The following IDO1 variants were observed in gnomAD, a reference collection of about 807,000 sequenced individuals.
The protein encoded by IDO1 is indoleamine 2,3-dioxygenase 1.
In IDO1, 35 loss-of-function variants were observed where a neutral mutation model predicts 38.8. The ratio of observed to expected loss-of-function variants is 0.90; its 90% CI spans 0.69 to 1.20. IDO1 has a LOEUF of 1.20. Ranked by LOEUF, IDO1 falls within the 50% of genes most tolerant of loss-of-function variation. The probability of loss-of-function intolerance (pLI) is 0.00; values close to 1 mark genes in which losing one functional copy is unlikely to be tolerated. For missense variants in IDO1, 509 were observed against 485.1 expected (o/e 1.05, Z -0.46); for synonymous variants, 171 against 170.0 (o/e 1.01, Z -0.05).
At position 39,918,142 on chromosome 8, in the gene IDO1, C is replaced by G. The variant is rs767234834; in HGVS notation, c.238C>G (p.Arg80Gly). 1.2e-6 allele frequency: 2 copies of G among 1,613,774 alleles called. No homozygotes were observed. Among genetic ancestry groups the G allele is most frequent in the Non-Finnish European group, 1.7e-6 (2 of 1,179,846 alleles). The change falls in exon 3 of 10, where the codon CGT (arginine) becomes GGT (glycine). Residue 80 changes from arginine (R) to glycine (G), a missense_variant. Coordinates refer to ENST00000518237, the MANE Select transcript of IDO1 (RefSeq NM_002164.6). ...AGACCACAAGTCACAGCGCCTTGCA[C>G]GTCTAGTTCTGGGATGCATCACCAT... ...LTDHKSQRLA[R>G]LVLGCITMAY...
At chr8:39,922,884 T>C in intron 6 of IDO1, 1 of 517,922 alleles carries the variant, frequency 1.9e-6, no homozygotes, top group Non-Finnish European at 3.4e-6. Flanking sequence ...AGATAAAAAT[T>C]TTCAATAAAA....
intron 1 of IDO1, among the ~76,000 whole-genome samples, chr8:39,916,925 G>A (rs1807182452): frequency 2.0e-5 from 3 of 152,078 alleles, no homozygotes; most frequent in South Asian, 4.1e-4. Flanking sequence ...TGTACTAGAT[G>A]GTGAAACATA....
intron 7 of IDO1, among the ~76,000 whole-genome samples, chr8:39,924,260 G>A (rs944647057): frequency 6.6e-6 from 1 of 152,098 alleles, no homozygotes; most frequent in African/African-American, 2.4e-5. Context: ...CCAGCTACTT[G>A]GGAGGCTGAG....
rs1258675111 is a variant in IDO1 at position 39,923,577 on chromosome 8, C to G, written c.646C>G (p.Gln216Glu). Residue 216 changes from glutamine to glutamate, a missense_variant, in exon 7 of 10, where the codon CAA becomes GAA. By Grantham distance (29) the Gln-to-Glu change is conservative. Transcript: ENST00000518237. ...GGAGAAAGCCCTTCAAGTGTTTCACCAAATCCACGGCAAGTGTTGTGTGCA... is the reference window on the plus strand; with the variant it reads ...GGAGAAAGCCCTTCAAGTGTTTCACGAAATCCACGGCAAGTGTTGTGTGCA... ...CLEKALQVFH[Q>E]IHDHVNPKAF... 3 of 1,597,574 alleles carry G rather than the reference C, an allele frequency of 1.9e-6. No individual in the cohort carries two copies. Among genetic ancestry groups the G allele is most frequent in the Non-Finnish European group, 2.6e-6 (3 of 1,165,254 alleles).
In IDO1 at chr8:39,922,603, C is replaced by T; in HGVS notation, c.489C>T (p.Phe163=). Residue 163 remains phenylalanine, a synonymous_variant, in exon 6 of 10, where the codon TTC becomes TTT. Transcript: ENST00000518237. ...SFRDGDCSKG[F]FLVSLLVEIA... ...GTGATGGAGACTGCAGTAAAGGATT[C>T]TTCCTGGTCTCTCTATTGGTGGAAA... 17 of 1,613,570 alleles carry T rather than the reference C, an allele frequency of 1.1e-5. No homozygotes were observed. Among genetic ancestry groups the T allele is most frequent in the Non-Finnish European group, 1.4e-5 (16 of 1,179,614 alleles).
rs1345242744 is a variant in IDO1, at chr8:39,927,816, T to A, written c.857-14T>A. ...CTGTGACCTCCGTATTTCCTCTTTCTCTTTTTCCTATAGGACATGCTGCTC... is the reference window on the plus strand; with the variant it reads ...CTGTGACCTCCGTATTTCCTCTTTCACTTTTTCCTATAGGACATGCTGCTC... On this transcript the variant is annotated splice_polypyrimidine_tract_variant and intron_variant, in intron 9 of 9. Coordinates refer to ENST00000518237, the MANE Select transcript of IDO1 (RefSeq NM_002164.6). 8 of 1,476,952 alleles carry A rather than the reference T, an allele frequency of 5.4e-6. No homozygotes were observed. Among genetic ancestry groups the A allele is most frequent in the Non-Finnish European group, 7.2e-6 (8 of 1,109,786 alleles). The allele number at this position is 1,476,952 out of a possible 1,614,324, so 91.5% of individuals were successfully genotyped here. A position where few individuals can be genotyped will look rare whatever the true frequency, so the allele number is the denominator to read the frequency against.
intron 1 of IDO1, 99 bp downstream of exon 1, chr8:39,914,108 T>C: frequency 1.3e-6 from 1 of 790,222 alleles, no homozygotes. Flanking sequence ...CAGTAACTTC[T>C]AGTAAACAAA....
At chr8:39,922,055 C>T (rs140273133) in intron 5 of IDO1, among the ~76,000 whole-genome samples, 1,939 of 152,232 alleles carry the variant, frequency 0.013, 26 homozygotes, top group Admixed American at 0.018. Flanking sequence ...GGCTGGAGTG[C>T]AATGGAGTGA....
Position 39,927,289 on chromosome 8 carries a change from G to A in IDO1, c.857-541G>A, listed in dbSNP as rs138335091. On this transcript the variant is annotated intron_variant, in intron 9 of 9. Transcript: ENST00000518237. ...GAAAGTGCAAACAAAGGCCAGGCGC[G>A]GTGGCTCATGCCTGTAATCCCAGCA... Among the ~76,000 whole-genome samples, 27 of 152,154 alleles carry A rather than the reference G, an allele frequency of 1.8e-4. No homozygotes were observed. In the East Asian group the frequency reaches 2.5e-3, roughly 14 times the overall value.
At position 39,920,020 on chromosome 8, in the gene IDO1, C is replaced by G. The variant is rs1479186760; in HGVS notation, c.423-80C>G. 1.3e-5 allele frequency: 16 copies of G among 1,214,106 alleles called. No homozygotes were observed. In the East Asian group the frequency reaches 3.7e-4, roughly 28 times the overall value. 75.2% of individuals were successfully genotyped at this position (1,214,106 alleles called of 1,614,324 possible). A position where few individuals can be genotyped will look rare whatever the true frequency, so the allele number is the denominator to read the frequency against. On this transcript the variant is annotated intron_variant, in intron 4 of 9. Transcript: ENST00000518237. ...ATAGTAGCATTCAATCAAATAGCAA[C>G]AACTCATCATTATTTGATGTTAAAT...
In IDO1 at chr8:39,918,104, T is replaced by C. The variant is rs2129592157; in HGVS notation, c.200T>C (p.Ile67Thr). 1 of 1,614,038 alleles carries C rather than the reference T, an allele frequency of 6.2e-7. No homozygotes were observed. Among genetic ancestry groups the C allele is most frequent in the Non-Finnish European group, 8.5e-7 (1 of 1,179,880 alleles). ...ERVEKLNMLS[I>T]DHLTDHKSQR... ...TGTTTTCAGTTAAACATGCTCAGCA[T>C]TGATCATCTCACAGACCACAAGTCA... is the stretch of plus-strand genomic sequence containing the variant. The change falls in exon 3 of 10, where the codon ATT becomes ACT. Residue 67 changes from isoleucine to threonine, a missense_variant. Coordinates refer to ENST00000518237, the MANE Select transcript of IDO1 (RefSeq NM_002164.6).
Position 39,913,918 on chromosome 8 carries a change from C to T in IDO1, c.-5C>T. ...TGAGGGGCACCAGAGGAGCAGACTA[C>T]AAGAATGGCACACGCTATGGAAAAC... On this transcript the variant is annotated 5_prime_UTR_variant, in exon 1 of 10. Transcript: ENST00000518237. 1 of 1,562,838 alleles carries T rather than the reference C, an allele frequency of 6.4e-7. No homozygotes were observed. The highest frequency in any genetic ancestry group is 8.7e-7 in the Non-Finnish European group (1 of 1,152,930).
chr8:39,919,403 T>G (rs7840765), intron 4 of IDO1, among the ~76,000 whole-genome samples: 9,818 of 152,176 alleles, frequency 0.065, 884 homozygotes, highest in African/African-American at 0.2. Context: ...AGCATGTCTT[T>G]GAGATTCTAT....
intron 1 of IDO1, among the ~76,000 whole-genome samples, chr8:39,914,869 G>A (rs1423189725): frequency 6.6e-6 from 1 of 152,102 alleles, no homozygotes; most frequent in Non-Finnish European, 1.5e-5. Flanking sequence ...AGGTTCAAGC[G>A]ATTCTCCTGC....
At chr8:39,924,807 A>G (rs1462383800) in intron 8 of IDO1, 35 bp downstream of exon 8, 5 of 1,505,670 alleles carry the variant, frequency 3.3e-6, no homozygotes, top group Non-Finnish European at 4.6e-6. Flanking sequence ...GTTTGCTCTC[A>G]CTTAACAAAG....
In IDO1 at chr8:39,925,376, G is replaced by C; in HGVS notation, c.856+5G>C. 1 of 1,609,016 alleles carries C rather than the reference G, an allele frequency of 6.2e-7. No individual in the cohort carries two copies. Among genetic ancestry groups the C allele is most frequent in the African/African-American group, 1.3e-5 (1 of 74,818 alleles). On this transcript the variant is annotated splice_donor_5th_base_variant and intron_variant, in intron 9 of 9. Transcript: ENST00000518237. Reference sequence around the variant, plus strand: ...TCCAGCAGACTGCTGGTGGAGGTGAGTGGAAAATAACAAGAAATAATTATC... The same window carrying C: ...TCCAGCAGACTGCTGGTGGAGGTGACTGGAAAATAACAAGAAATAATTATC...
rs1391037370 is a variant in IDO1 at position 39,913,933 on chromosome 8, C to A, written c.11C>A (p.Ala4Asp). ...GAGCAGACTACAAGAATGGCACACG[C>A]TATGGAAAACTCCTGGACAATCAGT... MAH[A>D]MENSWTISKE... Residue 4 changes from alanine (A) to aspartate (D), a missense_variant, in exon 1 of 10, where the codon GCT (alanine) becomes GAT (aspartate). Physicochemically the swap from Ala to Asp is moderately radical, Grantham distance 126. Coordinates refer to ENST00000518237, the MANE Select transcript of IDO1 (RefSeq NM_002164.6). The A allele has an allele frequency of 6.4e-7, 1 of 1,569,202 alleles. No individual in the cohort carries two copies. Among genetic ancestry groups the A allele is most frequent in the Non-Finnish European group, 8.6e-7 (1 of 1,156,876 alleles).
chr8:39,918,816 T>A lies in IDO1; in HGVS notation c.305T>A (p.Val102Asp), dbSNP rs748254602. 6 of 1,559,722 alleles carry A rather than the reference T, an allele frequency of 3.8e-6. No individual in the cohort carries two copies. Among genetic ancestry groups the A allele is most frequent in the Non-Finnish European group, 5.3e-6 (6 of 1,132,240 alleles). ...ACCTAACTACTGTATTTTAATCAGG[T>A]CTTGCCAAGAAATATTGCTGTTCCT... The part of the protein sequence containing the change: ...WGKGHGDVRK[V>D]LPRNIAVPYC... Residue 102 changes from valine (V) to aspartate (D), a missense_variant and splice_region_variant, in exon 4 of 10, where the codon GTC (valine) becomes GAC (aspartate). By Grantham distance (152) the Val-to-Asp change is radical. Coordinates refer to ENST00000518237, the MANE Select transcript of IDO1 (RefSeq NM_002164.6).
intron 1 of IDO1, among the ~76,000 whole-genome samples, chr8:39,914,582 G>T (rs1343499119): frequency 6.6e-6 from 1 of 151,944 alleles, no homozygotes; most frequent in Non-Finnish European, 1.5e-5. Flanking sequence ...TAAAGTACAA[G>T]GTATGTGGAA....
Sources: gnomAD v4.1 joint callset for allele counts (sites outside exome capture counted in the v4.1 genomes callset) on GRCh38, gnomAD v4.1.1 for gene constraint, MANE v1.5 for transcripts, NCBI Gene and HGNC (gene_info 2026-07-23, HGNC 2026-07-21) for gene names.